The following CAPN9 variants were observed in gnomAD, a reference collection of about 807,000 sequenced individuals.
The protein encoded by CAPN9 is calpain-9.
A neutral mutation model predicts 92.8 loss-of-function variants in CAPN9; 81 were observed. The observed-to-expected ratio is 0.87, with a 90% confidence interval of 0.73 to 1.05. CAPN9 has a LOEUF of 1.05. Ranked by LOEUF, CAPN9 falls within the 50% of genes least tolerant of loss-of-function variation. The probability of loss-of-function intolerance (pLI) is 0.00; values close to 1 mark genes in which losing one functional copy is unlikely to be tolerated. For missense variants in CAPN9, 848 were observed against 866.2 expected (o/e 0.98, Z 0.26); for synonymous variants, 304 against 328.0 (o/e 0.93, Z 0.79).
At chr1:230,800,294 GAAAGAAAGAAAGGAAA>G (rs201659898) in intron 19 of CAPN9, among the ~76,000 whole-genome samples, 6,794 of 109,864 alleles carry the variant, frequency 0.062, 425 homozygotes, top group Middle Eastern at 0.17. Context: ...AAGAAAGAAA[GAAAGAAAGAAAGGAAA>G]AACAAGAGAG....
At chr1:230,757,635 G>A (rs74359019) in intron 2 of CAPN9, among the ~76,000 whole-genome samples, 2,324 of 150,712 alleles carry the variant, frequency 0.015, 70 homozygotes, top group African/African-American at 0.053. Flanking sequence ...TAATCGCAGC[G>A]CTTTGGGAGG....
chr1:230,791,773 G>A, intron 14 of CAPN9, 91 bp from the exon 15 acceptor site: 1 of 949,576 alleles, frequency 1.1e-6, no homozygotes, highest in Non-Finnish European at 1.7e-6. Flanking sequence ...CAACAGCCCT[G>A]GATTTAGCCA....
At chr1:230,801,468 C>A in intron 19 of CAPN9, 102 bp from the exon 20 acceptor site, 1 of 1,056,710 alleles carries the variant, frequency 9.5e-7, no homozygotes. Context: ...GATCAAATAG[C>A]AGATCTCCTG....
Position 230,755,412 on chromosome 1 carries a change from T to C in CAPN9, c.283+6T>C. ...TATCTGCCAGGGAGAGCTGGGTGAGTGTAAGTGGATGGAGCATGGCGAGAG... is the reference window on the plus strand; with the variant it reads ...TATCTGCCAGGGAGAGCTGGGTGAGCGTAAGTGGATGGAGCATGGCGAGAG... On this transcript the variant is annotated splice_donor_region_variant and intron_variant, in intron 2 of 19. Transcript: ENST00000271971. The C allele has an allele frequency of 6.3e-7, 1 of 1,597,890 alleles. No individual in the cohort carries two copies. Among genetic ancestry groups the C allele is most frequent in the South Asian group, 1.1e-5 (1 of 88,608 alleles).
chr1:230,755,520 ACTG>A, intron 2 of CAPN9, 114 bp downstream of exon 2: 1 of 723,688 alleles, frequency 1.4e-6, no homozygotes, highest in Non-Finnish European at 2.3e-6. Context: ...GGGGAACAAC[ACTG>A]CTTCGGCCTC....
chr1:230,761,866 C>T (rs900916112), intron 3 of CAPN9, among the ~76,000 whole-genome samples: 1 of 152,172 alleles, frequency 6.6e-6, no homozygotes, highest in African/African-American at 2.4e-5. Context: ...AGACCACACA[C>T]AAGCTCATAC....
chr1:230,776,680 T>C (rs193218287), intron 8 of CAPN9: 1 of 152,330 alleles, frequency 6.6e-6, no homozygotes, highest in East Asian at 1.9e-4. Context: ...GCTCTGTTCA[T>C]ACAGTGATTC....
chr1:230,797,014 A>G (rs1668399855), intron 18 of CAPN9, among the ~76,000 whole-genome samples: 1 of 152,186 alleles, frequency 6.6e-6, no homozygotes, highest in Non-Finnish European at 1.5e-5. Flanking sequence ...AGATATAAAG[A>G]ATCATAATAG....
chr1:230,781,027 G>A (rs908810004), intron 11 of CAPN9, among the ~76,000 whole-genome samples: 2 of 151,794 alleles, frequency 1.3e-5, no homozygotes, highest in African/African-American at 4.8e-5. Flanking sequence ...CACCACACCT[G>A]GCTAATTTTT....
intron 3 of CAPN9, among the ~76,000 whole-genome samples, chr1:230,761,467 A>G (rs538436876): frequency 1.5e-4 from 23 of 152,150 alleles, no homozygotes; most frequent in Non-Finnish European, 2.8e-4. Context: ...ACTGTGCCTC[A>G]GTCCCACCTG....
intron 1 of CAPN9, chr1:230,752,823 C>A: frequency 2.6e-6 from 1 of 381,022 alleles, no homozygotes; most frequent in African/African-American, 2.2e-5. Context: ...GGTTTCCCTT[C>A]GGGCAGGCAC....
intron 14 of CAPN9, among the ~76,000 whole-genome samples, chr1:230,791,355 T>A (rs185428177): frequency 2.0e-5 from 3 of 152,348 alleles, no homozygotes; most frequent in Non-Finnish European, 4.4e-5. Flanking sequence ...TTAATGTTTT[T>A]AAAAACTATC....
intron 18 of CAPN9, chr1:230,795,630 C>T: frequency 4.4e-6 from 1 of 228,542 alleles, no homozygotes. Flanking sequence ...CCTTCCTCCC[C>T]CCTTCCCCGC....
rs539488740 is a variant in CAPN9, at chr1:230,758,982, G to A, written c.284-530G>A. Among the ~76,000 whole-genome samples the A allele has an allele frequency of 3.9e-5, 6 of 152,336 alleles. No homozygotes were observed. In the South Asian group the frequency reaches 1.2e-3, roughly 32 times the overall value. On this transcript the variant is annotated intron_variant, in intron 2 of 19. Transcript: ENST00000271971. ...TGTGTTAACATGAAGACACAGCTGG[G>A]AAGTTCAGTAGGTCAGTCAATAAAT...
At chr1:230,795,586 T>C (rs1221309438) in intron 18 of CAPN9, 2 of 305,268 alleles carry the variant, frequency 6.6e-6, no homozygotes, top group Non-Finnish European at 1.3e-5. Flanking sequence ...TCAAATCCCA[T>C]CATAGCATAT....
intron 4 of CAPN9, among the ~76,000 whole-genome samples, chr1:230,764,798 A>C (rs985405480): frequency 1.3e-5 from 2 of 152,232 alleles, no homozygotes; most frequent in Admixed American, 6.5e-5. Context: ...ACAGATAGGC[A>C]AGGGGAGGAG....
chr1:230,756,802 C>T (rs990450041), intron 2 of CAPN9, among the ~76,000 whole-genome samples: 1 of 151,954 alleles, frequency 6.6e-6, no homozygotes, highest in African/African-American at 2.4e-5. Context: ...ATTAGCCAGG[C>T]TTGGTGGTGC....
chr1:230,783,731 G>T (rs949328384), intron 11 of CAPN9, among the ~76,000 whole-genome samples: 1 of 152,226 alleles, frequency 6.6e-6, no homozygotes, highest in African/African-American at 2.4e-5. Flanking sequence ...GTACAGAAGA[G>T]TGGGGCATTG....
chr1:230,755,392 G>A lies in CAPN9; in HGVS notation c.269G>A (p.Cys90Tyr). The A allele has an allele frequency of 6.2e-7, 1 of 1,607,058 alleles. No individual in the cohort carries two copies. Among genetic ancestry groups the A allele is most frequent in the South Asian group, 1.1e-5 (1 of 89,714 alleles). ...ILGGATRTDI[C>Y]QGELGDCWLL... ...GGAGGGGCCACCAGGACTGATATCT[G>A]CCAGGGAGAGCTGGGTGAGTGTAAG... is the stretch of plus-strand genomic sequence containing the variant. The change falls in exon 2 of 20, where the codon TGC (cysteine) becomes TAC (tyrosine). Residue 90 changes from cysteine to tyrosine, a missense_variant. Coordinates refer to ENST00000271971, the MANE Select transcript of CAPN9 (RefSeq NM_006615.3).
Sources: gnomAD v4.1 joint callset for allele counts (sites outside exome capture counted in the v4.1 genomes callset) on GRCh38, gnomAD v4.1.1 for gene constraint, MANE v1.5 for transcripts, NCBI Gene and HGNC (gene_info 2026-07-23, HGNC 2026-07-21) for gene names.